Variants in KCNIP4 observed in about 807,000 individuals in gnomAD.
KCNIP4 encodes the protein potassium voltage-gated channel interacting protein 4, also known as Kv channel-interacting protein 4.
KCNIP4 carries 12 observed loss-of-function variants against 34.0 expected under a neutral mutation model. The ratio of observed to expected loss-of-function variants is 0.35; its 90% CI spans 0.23 to 0.57. KCNIP4 has a LOEUF of 0.57. Among genes scored for constraint, KCNIP4 ranks in the 20% least tolerant of loss-of-function variants. The pLI is 0.83. For synonymous variants in KCNIP4, 124 were observed against 102.2 expected (o/e 1.21, Z -1.29); for missense variants, 238 against 311.7 (o/e 0.76, Z 1.78).
At chr4:21,117,767 T>TAATGTGTCA (rs1010944482) in intron 1 of KCNIP4, among the ~76,000 whole-genome samples, 2 of 152,056 alleles carry the variant, frequency 1.3e-5, no homozygotes, top group African/African-American at 4.8e-5. Context: ...CTATTATCCT[T>TAATGTGTCA]AATGTGTCAT....
intron 1 of KCNIP4, among the ~76,000 whole-genome samples, chr4:21,387,485 G>C (rs967271773): frequency 3.3e-5 from 5 of 152,134 alleles, no homozygotes; most frequent in African/African-American, 1.2e-4. Flanking sequence ...ATGAAACTTG[G>C]TGAGACAACA....
chr4:21,110,097 C>T (rs1461364827), intron 1 of KCNIP4, among the ~76,000 whole-genome samples: 1 of 152,082 alleles, frequency 6.6e-6, no homozygotes, highest in Non-Finnish European at 1.5e-5. Context: ...CCTTTGGTGC[C>T]ATCTCTAAAG....
At chr4:21,027,197 C>T (rs1442345162) in intron 1 of KCNIP4, among the ~76,000 whole-genome samples, 1 of 152,010 alleles carries the variant, frequency 6.6e-6, no homozygotes, top group Non-Finnish European at 1.5e-5. Context: ...AAGGTTTAAT[C>T]GGGGTCAACA....
intron 1 of KCNIP4, among the ~76,000 whole-genome samples, chr4:21,722,331 T>C (rs1007074576): frequency 4.0e-5 from 6 of 151,782 alleles, no homozygotes; most frequent in African/African-American, 1.5e-4. Context: ...GCGGGGGAGA[T>C]AGGGAAGAAA....
rs193203072 is a variant in KCNIP4, at chr4:21,871,493, G to A, written c.61+77078C>T. 2.2e-3 allele frequency among the ~76,000 whole-genome samples: 340 copies of A among 151,522 alleles called. 1 individual carries two copies. The highest frequency in any genetic ancestry group is 7.9e-3 in the African/African-American group (325 of 41,282). Reference sequence around the variant, plus strand: ...AAGGATGAGTTAATGTCCTTTGTAGGGACATGGATGAAGCTGGAAACCATC... The same window carrying A: ...AAGGATGAGTTAATGTCCTTTGTAGAGACATGGATGAAGCTGGAAACCATC... On this transcript the variant is annotated intron_variant, in intron 1 of 8. Transcript: ENST00000382152.
At chr4:21,278,537 T>C (rs1762580229) in intron 1 of KCNIP4, among the ~76,000 whole-genome samples, 2 of 152,304 alleles carry the variant, frequency 1.3e-5, no homozygotes, top group African/African-American at 4.8e-5. Context: ...TTCTTTTTTA[T>C]GGCTGCATAG....
At chr4:21,922,119 G>A (rs1578146516) in intron 1 of KCNIP4, among the ~76,000 whole-genome samples, 2 of 152,040 alleles carry the variant, frequency 1.3e-5, no homozygotes, top group African/African-American at 4.8e-5. Context: ...TCTTCTCTCG[G>A]GAAAACTTTT....
rs549734272 is a variant in KCNIP4, at chr4:21,371,147, G to C, written c.62-488438C>G. Among the ~76,000 whole-genome samples the C allele has an allele frequency of 8.1e-4, 117 of 144,208 alleles. 23 individuals carry two copies. The highest frequency in any genetic ancestry group is 3.1e-3 in the African/African-American group (108 of 34,654). 94.6% of individuals were successfully genotyped at this position (144,208 alleles called of 152,430 possible). A position where few individuals can be genotyped will look rare whatever the true frequency, so the allele number is the denominator to read the frequency against. ...AAATCTTGAAGGCTCTTCCATTACAGGCATAGATGTTTGGACTTTGTGCTA... is the reference window on the plus strand; with the variant it reads ...AAATCTTGAAGGCTCTTCCATTACACGCATAGATGTTTGGACTTTGTGCTA... On this transcript the variant is annotated intron_variant, in intron 1 of 8. Transcript: ENST00000382152.
At chr4:21,567,091 AT>A in intron 1 of KCNIP4, among the ~76,000 whole-genome samples, 1 of 152,300 alleles carries the variant, frequency 6.6e-6, no homozygotes, top group East Asian at 1.9e-4. Flanking sequence ...AACAACCAGC[AT>A]TTATTAATTA....
chr4:21,257,377 A>G (rs539455816), intron 1 of KCNIP4, among the ~76,000 whole-genome samples: 5 of 152,130 alleles, frequency 3.3e-5, no homozygotes, highest in Non-Finnish European at 5.9e-5. Context: ...TGTACCCCCC[A>G]GACAAGTGAT....
chr4:20,743,890 C>T (rs1751776380), intron 5 of KCNIP4, among the ~76,000 whole-genome samples: 1 of 151,766 alleles, frequency 6.6e-6, no homozygotes, highest in African/African-American at 2.4e-5. Flanking sequence ...GGGCTAATAT[C>T]CAGAATCTAC....
At chr4:21,346,254 T>TAG (rs1717397342) in intron 1 of KCNIP4, among the ~76,000 whole-genome samples, 1 of 107,950 alleles carries the variant, frequency 9.3e-6, no homozygotes, top group African/African-American at 3.4e-5. Flanking sequence ...ATTATATATA[T>TAG]AATTCTATAT....
At chr4:21,611,434 C>A (rs1744149483) in intron 1 of KCNIP4, among the ~76,000 whole-genome samples, 1 of 152,090 alleles carries the variant, frequency 6.6e-6, no homozygotes. Context: ...ATGATCCAAT[C>A]ACCTCCCATC....
In KCNIP4 at chr4:21,133,332, A is replaced by G. The variant is rs193139900; in HGVS notation, c.62-250623T>C. Among the ~76,000 whole-genome samples, 422 of 152,348 alleles carry G rather than the reference A, an allele frequency of 2.8e-3. 2 individuals are homozygous for G. The highest frequency in any genetic ancestry group is 4.7e-3 in the Non-Finnish European group (323 of 68,034). ...AACAAATGATGGAGAGAGAGAGTAC[A>G]TTATCTGCTATGTGCCAAGAACTTA... On this transcript the variant is annotated intron_variant, in intron 1 of 8. Coordinates refer to ENST00000382152, the MANE Select transcript of KCNIP4 (RefSeq NM_025221.6).
At chr4:20,957,395 C>T (rs1733422213) in intron 1 of KCNIP4, among the ~76,000 whole-genome samples, 1 of 152,116 alleles carries the variant, frequency 6.6e-6, no homozygotes, top group African/African-American at 2.4e-5. Context: ...AATGTATGAT[C>T]CCATTTTATA....
intron 1 of KCNIP4, among the ~76,000 whole-genome samples, chr4:21,255,975 C>T (rs1184156701): frequency 6.6e-6 from 1 of 152,040 alleles, no homozygotes; most frequent in East Asian, 1.9e-4. Context: ...AAATCACTGC[C>T]CTTGTGTAGC....
At chr4:21,579,371 G>T (rs558187675) in intron 1 of KCNIP4, among the ~76,000 whole-genome samples, 8 of 152,212 alleles carry the variant, frequency 5.3e-5, no homozygotes, top group Non-Finnish European at 7.4e-5. Flanking sequence ...CATCCCAGAA[G>T]AATATATTAA....
chr4:21,499,992 G>A (rs2109885129), intron 1 of KCNIP4, among the ~76,000 whole-genome samples: 1 of 152,100 alleles, frequency 6.6e-6, no homozygotes. Flanking sequence ...CAGGAACACA[G>A]ACTAAAAATC....
chr4:21,552,197 G>A (rs997883478), intron 1 of KCNIP4, among the ~76,000 whole-genome samples: 3 of 151,876 alleles, frequency 2.0e-5, no homozygotes, highest in African/African-American at 7.3e-5. Context: ...TGCTTCCCCA[G>A]GTTACATTCA....
Sources: allele counts gnomAD v4.1 joint callset (sites outside exome capture counted in the v4.1 genomes callset), GRCh38; gene constraint gnomAD v4.1.1; transcripts MANE v1.5; gene names NCBI Gene and HGNC (gene_info 2026-07-23, HGNC 2026-07-21).